TNFSF4: variants seen among roughly 807,000 people sequenced by gnomAD.
The protein encoded by TNFSF4 is tumor necrosis factor ligand superfamily member 4.
A neutral mutation model predicts 7.3 loss-of-function variants in TNFSF4; 4 were observed. The ratio of observed to expected loss-of-function variants is 0.55; its 90% CI spans 0.27 to 1.25. The LOEUF (loss-of-function observed/expected upper bound fraction) is 1.25. Among genes scored for constraint, TNFSF4 ranks in the 50% most tolerant of loss-of-function variants. The probability of loss-of-function intolerance (pLI) is 0.12; values close to 1 mark genes in which losing one functional copy is unlikely to be tolerated. For synonymous variants in TNFSF4, 76 were observed against 83.7 expected (o/e 0.91, Z 0.50); for missense variants, 181 against 208.8 (o/e 0.87, Z 0.82).
At chr1:173,390,890 T>A in the TNFSF4 span, among the ~76,000 whole-genome samples, 1 of 151,626 alleles carries the variant, frequency 6.6e-6, no homozygotes, top group Non-Finnish European at 1.5e-5. Flanking sequence ...GAATTACAGG[T>A]GCCTGCCACC....
chr1:173,318,995 C>T, the TNFSF4 span, among the ~76,000 whole-genome samples: 3 of 152,164 alleles, frequency 2.0e-5, no homozygotes, highest in Non-Finnish European at 4.4e-5. Context: ...TGAGACAGAA[C>T]CATTCACTGA....
the TNFSF4 span, among the ~76,000 whole-genome samples, chr1:173,308,767 T>C: frequency 6.6e-6 from 1 of 152,020 alleles, no homozygotes; most frequent in Non-Finnish European, 1.5e-5. Context: ...ATCTGAAGGC[T>C]AGCCCATTCA....
chr1:173,311,973 T>G, the TNFSF4 span, among the ~76,000 whole-genome samples: 1 of 152,164 alleles, frequency 6.6e-6, no homozygotes, highest in Admixed American at 6.6e-5. Flanking sequence ...TTCTTGTTGC[T>G]TTTAACCTCT....
At chr1:173,284,268 A>G in the TNFSF4 span, among the ~76,000 whole-genome samples, 1 of 152,182 alleles carries the variant, frequency 6.6e-6, no homozygotes, top group Admixed American at 6.6e-5. Context: ...ACTTTAACCT[A>G]TGTGGTGGGA....
chr1:173,365,216 A>G, the TNFSF4 span, among the ~76,000 whole-genome samples: 1 of 152,220 alleles, frequency 6.6e-6, no homozygotes, highest in East Asian at 1.9e-4. Context: ...AACAAATTTT[A>G]TTAACGTTGC....
chr1:173,318,489 C>CAAGGGAATGGGGG, the TNFSF4 span, among the ~76,000 whole-genome samples: 9 of 152,080 alleles, frequency 5.9e-5, no homozygotes, highest in African/African-American at 2.2e-4. Context: ...TTCTTAAGGT[C>CAAGGGAATGGGGG]AAGGGAATGG....
the TNFSF4 span, among the ~76,000 whole-genome samples, chr1:173,243,532 C>T: frequency 6.6e-6 from 1 of 152,224 alleles, no homozygotes; most frequent in African/African-American, 2.4e-5. Context: ...GCAGTGGATA[C>T]ATGAACCTGT....
the TNFSF4 span, among the ~76,000 whole-genome samples, chr1:173,305,909 T>C: frequency 6.6e-6 from 1 of 151,834 alleles, no homozygotes; most frequent in Non-Finnish European, 1.5e-5. Flanking sequence ...CCTCAACACA[T>C]GGGAAATACA....
At chr1:173,201,492 A>G (rs1441150771) in intron 1 of TNFSF4, among the ~76,000 whole-genome samples, 1 of 152,218 alleles carries the variant, frequency 6.6e-6, no homozygotes, top group Non-Finnish European at 1.5e-5. Context: ...AAGCATGTTC[A>G]TGGATAATGA....
At chr1:173,324,048 GAC>G in the TNFSF4 span, among the ~76,000 whole-genome samples, 1 of 152,108 alleles carries the variant, frequency 6.6e-6, no homozygotes, top group African/African-American at 2.4e-5. Context: ...GCAACTCCAA[GAC>G]ACATAATTGT....
the TNFSF4 span, among the ~76,000 whole-genome samples, chr1:173,350,927 A>T: frequency 0.96 from 145,716 of 152,254 alleles, 70,058 homozygotes; most frequent in East Asian, 1. Flanking sequence ...AGGGTATGGA[A>T]AAGCTCCAAA....
chr1:173,369,038 T>G, the TNFSF4 span, among the ~76,000 whole-genome samples: 9 of 152,096 alleles, frequency 5.9e-5, no homozygotes, highest in Admixed American at 5.9e-4. Flanking sequence ...AATTTTAGGA[T>G]CCCTCCTCAG....
At chr1:173,379,993 A>G in the TNFSF4 span, among the ~76,000 whole-genome samples, 1 of 152,198 alleles carries the variant, frequency 6.6e-6, no homozygotes, top group Non-Finnish European at 1.5e-5. Context: ...AGCTCATGTC[A>G]TCAGACTCAC....
the TNFSF4 span, among the ~76,000 whole-genome samples, chr1:173,252,683 G>A: frequency 3.9e-5 from 6 of 152,160 alleles, no homozygotes; most frequent in African/African-American, 1.4e-4. Flanking sequence ...GTTCATAACT[G>A]TGAAGAACCC....
rs911846222 is a variant in TNFSF4, at chr1:173,205,698, G to A, written c.153+1326C>T. Reference sequence around the variant, plus strand: ...TTTCTTCTCAAAAGAGCCTAATTCCGGTTGATGTCTTGGGCATCCGGTCGA... The same window carrying A: ...TTTCTTCTCAAAAGAGCCTAATTCCAGTTGATGTCTTGGGCATCCGGTCGA... On this transcript the variant is annotated intron_variant, in intron 1 of 2. Transcript: ENST00000281834. The A allele has an allele frequency of 2.3e-5, 14 of 613,054 alleles. No homozygotes were observed. In the Admixed American group the frequency reaches 4.9e-4, roughly 21 times the overall value. The allele number at this position is 613,054 out of a possible 1,614,324, so 38.0% of individuals were successfully genotyped here. A position where few individuals can be genotyped will look rare whatever the true frequency, so the allele number is the denominator to read the frequency against.
the TNFSF4 span, among the ~76,000 whole-genome samples, chr1:173,405,535 G>A: frequency 6.6e-6 from 1 of 152,322 alleles, no homozygotes; most frequent in East Asian, 1.9e-4. Flanking sequence ...GAGGGCACTT[G>A]AAAGTGGGAT....
At chr1:173,237,309 G>A in the TNFSF4 span, among the ~76,000 whole-genome samples, 1 of 152,018 alleles carries the variant, frequency 6.6e-6, no homozygotes, top group Non-Finnish European at 1.5e-5. Context: ...CAGAACTAAA[G>A]ACAAAAACTA....
At chr1:173,382,046 C>G in the TNFSF4 span, among the ~76,000 whole-genome samples, 2 of 152,266 alleles carry the variant, frequency 1.3e-5, no homozygotes, top group South Asian at 2.1e-4. Flanking sequence ...CTGCTTGGGT[C>G]CCCTTCCACA....
rs1266293395 is a variant in TNFSF4, at chr1:173,192,905, T to A, written c.154-4336A>T. Among the ~76,000 whole-genome samples, 11 of 152,318 alleles carry A rather than the reference T, an allele frequency of 7.2e-5. 1 individual carries two copies. In the East Asian group the frequency reaches 2.1e-3, roughly 29 times the overall value. ...ATATGTCAGTGATCAGGACCTGTCATGGAACATTGCAAGAAGTTAATAAAC... is the reference window on the plus strand; with the variant it reads ...ATATGTCAGTGATCAGGACCTGTCAAGGAACATTGCAAGAAGTTAATAAAC... On this transcript the variant is annotated intron_variant, in intron 1 of 2. Coordinates refer to ENST00000281834, the MANE Select transcript of TNFSF4 (RefSeq NM_003326.5).
Sources: allele counts gnomAD v4.1 joint callset (sites outside exome capture counted in the v4.1 genomes callset), GRCh38; gene constraint gnomAD v4.1.1; transcripts MANE v1.5; gene names NCBI Gene and HGNC (gene_info 2026-07-23, HGNC 2026-07-21).